Variants in MET observed in about 807,000 individuals in gnomAD.
MET encodes MET proto-oncogene, receptor tyrosine kinase.
MET carries 48 observed loss-of-function variants against 133.1 expected under a neutral mutation model. The observed-to-expected ratio is 0.36, with a 90% confidence interval of 0.29 to 0.46. MET has a LOEUF of 0.46. MET is among the 20% of genes least tolerant of loss of function. The pLI is 1.00. For missense variants in MET, 1,442 were observed against 1,695.9 expected (o/e 0.85, Z 2.63); for synonymous variants, 628 against 616.5 (o/e 1.02, Z -0.28).
chr7:116,745,083 T>C (rs1490643773), intron 5 of MET, among the ~76,000 whole-genome samples: 1 of 152,226 alleles, frequency 6.6e-6, no homozygotes, highest in Non-Finnish European at 1.5e-5. Context: ...TAGCAAAGTC[T>C]CAGGATACAA....
chr7:116,739,882 T>A (rs2116824488), intron 3 of MET, 68 bp from the exon 4 acceptor site: 1 of 1,607,928 alleles, frequency 6.2e-7, no homozygotes, highest in Non-Finnish European at 8.5e-7. Context: ...CATTATCATC[T>A]ACATTTTCCA....
At chr7:116,757,385 C>T (rs2116918975) in intron 6 of MET, 52 bp from the exon 7 acceptor site, 4 of 1,460,708 alleles carry the variant, frequency 2.7e-6, no homozygotes, top group South Asian at 1.1e-5. Flanking sequence ...AACAACCTAA[C>T]CAGAAAATTC....
intron 1 of MET, among the ~76,000 whole-genome samples, chr7:116,692,456 C>G (rs1226806378): frequency 6.6e-6 from 1 of 152,114 alleles, no homozygotes; most frequent in Non-Finnish European, 1.5e-5. Context: ...TTTTTGTAGG[C>G]TCTGCAATGT....
In MET at chr7:116,712,364, T is replaced by C. The variant is rs866021466; in HGVS notation, c.1200+12080T>C. ...ATTTCTACCATGTCTCTTATCACAC[T>C]CCGTGGTAATGTGTCCAACAGTTCC... On this transcript the variant is annotated intron_variant, in intron 2 of 20. Transcript: ENST00000397752. Among the ~76,000 whole-genome samples, 166 of 152,306 alleles carry C rather than the reference T, an allele frequency of 1.1e-3. 2 individuals carry two copies. The highest frequency in any genetic ancestry group is 3.3e-3 in the South Asian group (16 of 4,826).
intron 3 of MET, among the ~76,000 whole-genome samples, chr7:116,738,591 G>A (rs1427564702): frequency 6.6e-6 from 1 of 151,984 alleles, no homozygotes; most frequent in Non-Finnish European, 1.5e-5. Context: ...AGCGTTGAGT[G>A]TTTAGAGTAG....
intron 3 of MET, among the ~76,000 whole-genome samples, chr7:116,739,350 G>A (rs960600659): frequency 6.6e-6 from 1 of 152,182 alleles, no homozygotes; most frequent in Non-Finnish European, 1.5e-5. Flanking sequence ...AGACCAAGAA[G>A]CAGAGTTTTA....
At chr7:116,730,698 A>T (rs1261169204) in intron 2 of MET, among the ~76,000 whole-genome samples, 1 of 152,110 alleles carries the variant, frequency 6.6e-6, no homozygotes, top group Non-Finnish European at 1.5e-5. Flanking sequence ...GGAATTGGAG[A>T]TGACACTTAG....
At chr7:116,704,631 C>G (rs1213351920) in intron 2 of MET, among the ~76,000 whole-genome samples, 1 of 141,382 alleles carries the variant, frequency 7.1e-6, no homozygotes, top group Admixed American at 7.1e-5. Context: ...TTATGTTGTT[C>G]TTAAGATTAT....
chr7:116,725,767 T>C (rs1792727158), intron 2 of MET, among the ~76,000 whole-genome samples: 1 of 150,922 alleles, frequency 6.6e-6, no homozygotes, highest in African/African-American at 2.4e-5. Flanking sequence ...TTTATAAGTA[T>C]ACAAATATAT....
intron 2 of MET, among the ~76,000 whole-genome samples, chr7:116,704,684 T>C (rs1219188801): frequency 6.6e-6 from 1 of 152,038 alleles, no homozygotes; most frequent in East Asian, 1.9e-4. Context: ...GGTGGTAGTT[T>C]GAGGGGGCAG....
At position 116,740,963 on chromosome 7, in the gene MET, C is replaced by T. The variant is rs1047795344; in HGVS notation, c.1639C>T (p.Arg547Ter). 2 of 1,613,908 alleles carry T rather than the reference C, an allele frequency of 1.2e-6. No homozygotes were observed. Among genetic ancestry groups the T allele is most frequent in the Non-Finnish European group, 1.7e-6 (2 of 1,179,978 alleles). ...QCGWCHDKCV[R>*]SEECLSGTWT... Reference sequence around the variant, plus strand: ...TGGCTGGTGCCACGACAAATGTGTGCGATCGGAGGAATGCCTGAGCGGGAC... The same window carrying T: ...TGGCTGGTGCCACGACAAATGTGTGTGATCGGAGGAATGCCTGAGCGGGAC... Residue 547 changes from arginine (R) to a stop codon, truncating the protein, a stop_gained, in exon 5 of 21, where the codon CGA becomes TGA. Transcript: ENST00000397752. LOFTEE classifies it high-confidence loss of function.
chr7:116,692,585 C>G (rs929386021), intron 1 of MET, among the ~76,000 whole-genome samples: 1 of 152,120 alleles, frequency 6.6e-6, no homozygotes, highest in Non-Finnish European at 1.5e-5. Context: ...AATGAGAAAA[C>G]CAGAGGTGGG....
At chr7:116,682,186 A>C (rs982856694) in intron 1 of MET, among the ~76,000 whole-genome samples, 2 of 152,250 alleles carry the variant, frequency 1.3e-5, no homozygotes, top group Admixed American at 6.5e-5. Context: ...ATAAAATCCC[A>C]GACAGTTTCA....
At chr7:116,674,721 C>A (rs979143316) in intron 1 of MET, among the ~76,000 whole-genome samples, 17 of 152,214 alleles carry the variant, frequency 1.1e-4, no homozygotes, top group African/African-American at 1.9e-4. Context: ...CCTCCCATTT[C>A]TCTGTCCTCT....
At chr7:116,720,392 C>T (rs1192717671) in intron 2 of MET, among the ~76,000 whole-genome samples, 2 of 143,894 alleles carry the variant, frequency 1.4e-5, no homozygotes, top group Non-Finnish European at 3.0e-5. Flanking sequence ...TGGGCTGAGA[C>T]AATGGGGTTT....
intron 11 of MET, among the ~76,000 whole-genome samples, chr7:116,766,650 C>T (rs1429743118): frequency 1.3e-5 from 2 of 152,086 alleles, no homozygotes; most frequent in African/African-American, 2.4e-5. Context: ...GGCCCAGTGT[C>T]GAAACCTGTT....
chr7:116,781,873 C>T (rs905460095), intron 17 of MET, 115 bp from the exon 18 acceptor site: 9 of 777,054 alleles, frequency 1.2e-5, no homozygotes, highest in Non-Finnish European at 2.0e-5. Context: ...CCATTAAGAC[C>T]AAACTAATTT....
rs560259454 is a variant in MET, at chr7:116,703,142, G to A, written c.1200+2858G>A. 2.6e-5 allele frequency among the ~76,000 whole-genome samples: 4 copies of A among 152,204 alleles called. No individual in the cohort carries two copies. The East Asian group carries it at 7.7e-4, about 29-fold the overall frequency. ...AGAACTCTTTGTCTCCACATATGAT[G>A]CTGTTTCTGGAAACTTATCCCAAGC... On this transcript the variant is annotated intron_variant, in intron 2 of 20. Transcript: ENST00000397752.
intron 11 of MET, among the ~76,000 whole-genome samples, chr7:116,764,639 T>C (rs1794549762): frequency 6.6e-6 from 1 of 152,144 alleles, no homozygotes; most frequent in Non-Finnish European, 1.5e-5. Context: ...ATAAATTAAA[T>C]ACCCATTATT....
Sources: gnomAD v4.1 joint callset for allele counts (sites outside exome capture counted in the v4.1 genomes callset) on GRCh38, gnomAD v4.1.1 for gene constraint, MANE v1.5 for transcripts, NCBI Gene and HGNC (gene_info 2026-07-23, HGNC 2026-07-21) for gene names.